Variants in SRPK2 observed in about 807,000 individuals in gnomAD.
The protein encoded by SRPK2 is SFRS protein kinase 2.
Under a neutral mutation model 90.8 loss-of-function variants are expected in SRPK2, and 21 were observed. The ratio of observed to expected loss-of-function variants is 0.23; its 90% CI spans 0.16 to 0.33. SRPK2 has a LOEUF of 0.33. SRPK2 is among the 10% of genes least tolerant of loss of function. The pLI, the probability that SRPK2 is intolerant of heterozygous loss-of-function variation, is 1.00. For missense variants in SRPK2, 620 were observed against 869.0 expected, an observed-to-expected ratio of 0.71 and a Z score of 3.60; for synonymous variants, 288 against 311.1, an observed-to-expected ratio of 0.93 and a Z score of 0.78.
rs1232762303 is a variant in SRPK2 at position 105,366,837 on chromosome 7, A to AATTC, written c.71+21807_71+21810dup. Among the ~76,000 whole-genome samples, 5 of 152,342 alleles carry AATTC rather than the reference A, an allele frequency of 3.3e-5. No homozygotes were observed. In the East Asian group the frequency reaches 9.6e-4, roughly 29 times the overall value. ...TTTTTCACTATAGTCATGTATGCTG[A>AATTC]ATTCATTTATCTTTAAATGGCAGGC... On this transcript the variant is annotated intron_variant, in intron 2 of 15. Coordinates refer to ENST00000393651, the MANE Select transcript of SRPK2 (RefSeq NM_182692.3).
At chr7:105,368,774 A>G (rs1819367657) in intron 2 of SRPK2, among the ~76,000 whole-genome samples, 1 of 150,800 alleles carries the variant, frequency 6.6e-6, no homozygotes, top group African/African-American at 2.4e-5. Context: ...AATCCCATCT[A>G]TTCAGGAGGC....
chr7:105,301,891 A>C (rs1395119825), intron 2 of SRPK2: 1 of 1,599,740 alleles, frequency 6.3e-7, no homozygotes, highest in African/African-American at 1.3e-5. Context: ...CAACATCGAT[A>C]AGCAATATCA....
At chr7:105,166,425 A>G (rs554608386) in intron 6 of SRPK2, among the ~76,000 whole-genome samples, 2 of 152,364 alleles carry the variant, frequency 1.3e-5, no homozygotes, top group African/African-American at 4.8e-5. Flanking sequence ...GTTATGTTTA[A>G]AAGTTCATAT....
chr7:105,325,560 A>G (rs1481768103), intron 2 of SRPK2, among the ~76,000 whole-genome samples: 1 of 151,704 alleles, frequency 6.6e-6, no homozygotes, highest in Non-Finnish European at 1.5e-5. Flanking sequence ...GCAAAAAAAA[A>G]AAAAAAAAAA....
intron 2 of SRPK2, among the ~76,000 whole-genome samples, chr7:105,241,262 T>C (rs1052796230): frequency 1.3e-5 from 2 of 152,216 alleles, no homozygotes; most frequent in Admixed American, 1.3e-4. Context: ...AATAGGTAAC[T>C]TGTGCTAAAC....
At chr7:105,186,321 T>A (rs560720997) in intron 3 of SRPK2, among the ~76,000 whole-genome samples, 2 of 152,296 alleles carry the variant, frequency 1.3e-5, no homozygotes, top group Admixed American at 1.3e-4. Flanking sequence ...ACCCAATAGG[T>A]AATTATCAAG....
Position 105,388,260 on chromosome 7 carries a change from G to C in SRPK2, c.71+388C>G, listed in dbSNP as rs377154706. On this transcript the variant is annotated intron_variant, in intron 2 of 15. Coordinates refer to ENST00000393651, the MANE Select transcript of SRPK2 (RefSeq NM_182692.3). The stretch of plus-strand genomic sequence containing the variant: ...ACGCAGCCGCTGCACTCCCGCAGCG[G>C]GCGGGCCGGAGCCCAGCGGCAGACG... Among the ~76,000 whole-genome samples, 125 of 151,900 alleles carry C rather than the reference G, an allele frequency of 8.2e-4. 3 individuals carry two copies. Among genetic ancestry groups the C allele is most frequent in the African/African-American group, 2.9e-3 (121 of 41,498 alleles).
chr7:105,209,387 T>C (rs74606324), intron 2 of SRPK2, among the ~76,000 whole-genome samples: 4,676 of 152,038 alleles, frequency 0.031, 249 homozygotes, highest in African/African-American at 0.11. Flanking sequence ...CCACAAAAAC[T>C]ACAAAAATTA....
chr7:105,302,132 A>G (rs1810624079), intron 2 of SRPK2: 5 of 1,356,552 alleles, frequency 3.7e-6, no homozygotes, highest in Non-Finnish European at 4.2e-6. Flanking sequence ...AAAAAGTAAA[A>G]CTGGGTTCAA....
intron 2 of SRPK2, among the ~76,000 whole-genome samples, chr7:105,372,136 T>TA (rs55928342): frequency 0.019 from 1,448 of 76,784 alleles, 61 homozygotes; most frequent in African/African-American, 0.051. Flanking sequence ...CTCCAACTCA[T>TA]AAAAAAAAAA....
chr7:105,148,963 A>G (rs1285664710), intron 7 of SRPK2, among the ~76,000 whole-genome samples: 1 of 152,222 alleles, frequency 6.6e-6, no homozygotes, highest in Non-Finnish European at 1.5e-5. Flanking sequence ...TGCACTGTGG[A>G]AAGCTGCAGG....
At chr7:105,221,781 G>C (rs1191960141) in intron 2 of SRPK2, among the ~76,000 whole-genome samples, 2 of 151,958 alleles carry the variant, frequency 1.3e-5, no homozygotes, top group South Asian at 2.1e-4. Flanking sequence ...ACATACAACT[G>C]GTGATTTTTC....
chr7:105,346,743 G>C (rs1371658919), intron 2 of SRPK2, among the ~76,000 whole-genome samples: 2 of 150,522 alleles, frequency 1.3e-5, no homozygotes, highest in African/African-American at 4.9e-5. Context: ...GGGTGACAGC[G>C]CAAGACTCCA....
At chr7:105,277,369 C>T (rs953022877) in intron 2 of SRPK2, among the ~76,000 whole-genome samples, 3 of 152,326 alleles carry the variant, frequency 2.0e-5, no homozygotes, top group Non-Finnish European at 4.4e-5. Flanking sequence ...AGCCACTGCG[C>T]CCGGCCCAAC....
intron 15 of SRPK2, among the ~76,000 whole-genome samples, chr7:105,124,106 G>C (rs1800783179): frequency 6.6e-6 from 1 of 152,230 alleles, no homozygotes; most frequent in South Asian, 2.1e-4. Flanking sequence ...CTGCCTTCCA[G>C]CCATTTATGG....
intron 2 of SRPK2, among the ~76,000 whole-genome samples, chr7:105,311,110 C>T (rs554685463): frequency 1.3e-5 from 2 of 151,780 alleles, no homozygotes; most frequent in Non-Finnish European, 2.9e-5. Flanking sequence ...GAAAAGGCAA[C>T]CTACAGAATG....
chr7:105,285,058 C>G (rs889718579), intron 2 of SRPK2, among the ~76,000 whole-genome samples: 9 of 152,088 alleles, frequency 5.9e-5, no homozygotes, highest in African/African-American at 2.2e-4. Context: ...TCAGCTTTGG[C>G]CATGTACTGA....
At chr7:105,192,733 G>A (rs1563063401) in intron 3 of SRPK2, among the ~76,000 whole-genome samples, 1 of 152,096 alleles carries the variant, frequency 6.6e-6, no homozygotes, top group South Asian at 2.1e-4. Flanking sequence ...TTTTGATTAT[G>A]GACATTCTTG....
At chr7:105,332,725 A>G (rs879337049) in intron 2 of SRPK2, 4 of 151,712 alleles carry the variant, frequency 2.6e-5, no homozygotes, top group Admixed American at 2.0e-4. Flanking sequence ...ATATCATGCC[A>G]CCACACTCCA....
Sources: gnomAD v4.1 joint callset for allele counts (sites outside exome capture counted in the v4.1 genomes callset) on GRCh38, gnomAD v4.1.1 for gene constraint, MANE v1.5 for transcripts, NCBI Gene and HGNC (gene_info 2026-07-23, HGNC 2026-07-21) for gene names.